STPG2: variants seen among roughly 807,000 people sequenced by gnomAD.
STPG2 encodes sperm-tail PG-rich repeat-containing protein 2.
A neutral mutation model predicts 54.2 loss-of-function variants in STPG2; 56 were observed. The observed-to-expected ratio is 1.03, with a 90% CI of 0.83 to 1.29. The LOEUF is 1.29. Ranked by LOEUF, STPG2 falls within the 50% of genes most tolerant of loss-of-function variation. The pLI, the probability that STPG2 is intolerant of heterozygous loss-of-function variation, is 0.00. For missense variants in STPG2, 596 were observed against 544.9 expected (o/e 1.09, Z -0.93); for synonymous variants, 200 against 181.8 (o/e 1.10, Z -0.81).
chr4:97,659,569 C>CT (rs1722315260), intron 10 of STPG2, among the ~76,000 whole-genome samples: 1 of 152,128 alleles, frequency 6.6e-6, no homozygotes, highest in African/African-American at 2.4e-5. Flanking sequence ...AACAAATGAC[C>CT]TTTTTACTTT....
intron 1 of STPG2, among the ~76,000 whole-genome samples, chr4:98,140,186 C>T (rs1230794458): frequency 6.6e-6 from 1 of 152,064 alleles, no homozygotes; most frequent in Non-Finnish European, 1.5e-5. Context: ...GATACAGAGG[C>T]ACAGAGGTGA....
chr4:97,759,697 T>TA (rs913691816), intron 9 of STPG2, among the ~76,000 whole-genome samples: 6 of 152,092 alleles, frequency 3.9e-5, no homozygotes, highest in African/African-American at 7.2e-5. Flanking sequence ...ATAGGAAATA[T>TA]AAAAAATATT....
In STPG2 at chr4:97,904,571, C is replaced by A. The variant is rs1220816778; in HGVS notation, c.1044+39326G>T. 3.3e-5 allele frequency among the ~76,000 whole-genome samples: 5 copies of A among 152,250 alleles called. No individual in the cohort carries two copies. The East Asian group carries it at 7.7e-4, about 23-fold the overall frequency. ...CTGCCTCTCCTCCTCCAAAGGAACG[C>A]AGTTCCTCACCAGCAACGGAACAAA... On this transcript the variant is annotated intron_variant, in intron 8 of 10. Transcript: ENST00000295268.
intron 6 of STPG2, among the ~76,000 whole-genome samples, chr4:97,975,791 C>T (rs933827392): frequency 6.6e-5 from 10 of 152,178 alleles, no homozygotes; most frequent in Middle Eastern, 3.4e-3. Flanking sequence ...TAATAGGAAT[C>T]GATTAGATCA....
At position 97,520,414 on chromosome 4, in the gene STPG2, G is replaced by T. The variant is rs530751875; in HGVS notation, c.462+192285C>A. Among the ~76,000 whole-genome samples, 3 of 152,108 alleles carry T rather than the reference G, an allele frequency of 2.0e-5. No homozygotes were observed. In the South Asian group the frequency reaches 6.2e-4, roughly 32 times the overall value. On this transcript the variant is annotated intron_variant, in intron 4 of 4. Coordinates refer to the STPG2 transcript ENST00000522676. Reference sequence around the variant, plus strand: ...CGCCAAGTCAACAGTATGATAGCTTGTACCAGTCTCTACTTGTGAACTCTG... The same window carrying T: ...CGCCAAGTCAACAGTATGATAGCTTTTACCAGTCTCTACTTGTGAACTCTG...
At chr4:98,014,630 G>A (rs2149285292) in intron 5 of STPG2, among the ~76,000 whole-genome samples, 1 of 152,226 alleles carries the variant, frequency 6.6e-6, no homozygotes, top group South Asian at 2.1e-4. Context: ...TATATTATTA[G>A]AGTTACAAGT....
intron 4 of STPG2, among the ~76,000 whole-genome samples, chr4:97,467,578 G>A (rs1258496010): frequency 2.0e-5 from 3 of 151,820 alleles, no homozygotes; most frequent in Non-Finnish European, 4.4e-5. Flanking sequence ...TAATAATAAA[G>A]TGATTCATAA....
intron 8 of STPG2, among the ~76,000 whole-genome samples, chr4:97,899,131 A>G (rs1731071957): frequency 6.6e-6 from 1 of 151,968 alleles, no homozygotes; most frequent in Non-Finnish European, 1.5e-5. Flanking sequence ...AACTTTCAGG[A>G]TATGAAATCA....
chr4:98,091,886 A>G (rs1402509156), intron 5 of STPG2, among the ~76,000 whole-genome samples: 2 of 152,186 alleles, frequency 1.3e-5, no homozygotes, highest in East Asian at 3.9e-4. Context: ...GCAAAATATC[A>G]CACACCTAGT....
chr4:97,811,227 A>C (rs1727730980), intron 9 of STPG2, among the ~76,000 whole-genome samples: 1 of 152,152 alleles, frequency 6.6e-6, no homozygotes. Flanking sequence ...GGAGACAAAT[A>C]CTGAAAATGC....
intron 8 of STPG2, among the ~76,000 whole-genome samples, chr4:97,910,958 C>T (rs543306672): frequency 6.6e-6 from 1 of 152,142 alleles, no homozygotes; most frequent in East Asian, 1.9e-4. Context: ...TATCCAGGTT[C>T]TCGTTTGGTA....
At chr4:98,117,306 C>T (rs1262520796) in intron 3 of STPG2, among the ~76,000 whole-genome samples, 2 of 151,818 alleles carry the variant, frequency 1.3e-5, no homozygotes, top group South Asian at 4.2e-4. Flanking sequence ...TGGAGGATTC[C>T]TTCTATATGA....
chr4:97,926,728 T>C (rs1329080395), intron 8 of STPG2, among the ~76,000 whole-genome samples: 1 of 152,110 alleles, frequency 6.6e-6, no homozygotes, highest in East Asian at 1.9e-4. Context: ...CATCACTAAA[T>C]TTTAACATGT....
intron 8 of STPG2, among the ~76,000 whole-genome samples, chr4:97,942,284 A>G (rs551140421): frequency 3.3e-5 from 5 of 152,070 alleles, no homozygotes; most frequent in African/African-American, 1.2e-4. Context: ...AATGACTCCT[A>G]AGCATAAAAG....
intron 5 of STPG2, among the ~76,000 whole-genome samples, chr4:98,016,223 T>C (rs1384084993): frequency 6.6e-6 from 1 of 152,062 alleles, no homozygotes; most frequent in Non-Finnish European, 1.5e-5. Context: ...CAGAAAGAAT[T>C]TGATTATAAT....
chr4:97,712,851 T>C, intron 9 of STPG2, 37 bp from the exon 10 acceptor site: 2 of 1,414,856 alleles, frequency 1.4e-6, no homozygotes, highest in Non-Finnish European at 1.9e-6. Context: ...TGATAAAGTA[T>C]ATTTTAAAAT....
chr4:98,032,580 G>T (rs553729381), intron 5 of STPG2, among the ~76,000 whole-genome samples: 1 of 152,024 alleles, frequency 6.6e-6, no homozygotes, highest in Non-Finnish European at 1.5e-5. Context: ...ACTCACTTCC[G>T]GACCAAGCAG....
intron 10 of STPG2, among the ~76,000 whole-genome samples, chr4:97,566,249 G>A (rs949063111): frequency 2.0e-5 from 3 of 152,192 alleles, no homozygotes; most frequent in Admixed American, 1.3e-4. Context: ...CCTGGTGCGG[G>A]ATATAATCTC....
chr4:97,503,793 A>G (rs1161361299), intron 4 of STPG2, among the ~76,000 whole-genome samples: 1 of 143,068 alleles, frequency 7.0e-6, no homozygotes, highest in East Asian at 2.0e-4. Context: ...ATATTCATAT[A>G]AATATATTTT....
Sources: allele counts gnomAD v4.1 joint callset (sites outside exome capture counted in the v4.1 genomes callset), GRCh38; gene constraint gnomAD v4.1.1; transcripts MANE v1.5; gene names NCBI Gene and HGNC (gene_info 2026-07-23, HGNC 2026-07-21).